RCOR1: variants seen among roughly 807,000 people sequenced by gnomAD.
The protein encoded by RCOR1 is REST corepressor 1, also known as REST corepressor.
A neutral mutation model predicts 64.0 loss-of-function variants in RCOR1; 12 were observed. That is an observed-to-expected ratio of 0.19 (90% CI 0.12 to 0.30). RCOR1 has a LOEUF of 0.30. Among genes scored for constraint, RCOR1 ranks in the 10% least tolerant of loss-of-function variants. RCOR1 has a pLI of 1.00. For synonymous variants in RCOR1, 279 were observed against 227.2 expected (o/e 1.23, Z -2.05); for missense variants, 502 against 621.2 (o/e 0.81, Z 2.04).
At chr14:102,633,772 C>T (rs1346211092) in intron 2 of RCOR1, among the ~76,000 whole-genome samples, 1 of 151,734 alleles carries the variant, frequency 6.6e-6, no homozygotes, top group African/African-American at 2.4e-5. Flanking sequence ...CTCCTGACCT[C>T]AGGTGATCCA....
chr14:102,693,355 A>G (rs541696819), intron 3 of RCOR1, among the ~76,000 whole-genome samples: 1 of 151,522 alleles, frequency 6.6e-6, no homozygotes, highest in African/African-American at 2.4e-5. Context: ...GGCACACAGT[A>G]GGCCTGAAAG....
intron 3 of RCOR1, among the ~76,000 whole-genome samples, chr14:102,689,974 A>G (rs1895498813): frequency 6.6e-6 from 1 of 151,910 alleles, no homozygotes; most frequent in Non-Finnish European, 1.5e-5. Context: ...CAAACTCCTG[A>G]CCTTGGGATT....
chr14:102,654,224 T>C (rs1216652240), intron 2 of RCOR1, among the ~76,000 whole-genome samples: 1 of 151,810 alleles, frequency 6.6e-6, no homozygotes, highest in African/African-American at 2.4e-5. Flanking sequence ...TGACCTCAGG[T>C]GATCTGCCCG....
intron 8 of RCOR1, 131 bp downstream of exon 8, chr14:102,714,748 G>A: frequency 1.6e-6 from 1 of 643,214 alleles, no homozygotes; most frequent in South Asian, 2.6e-5. Context: ...GAATTGGACA[G>A]ATCTTAAGTA....
rs148131582 is a variant in RCOR1 at position 102,615,740 on chromosome 14, C to T, written c.361+22415C>T. Among the ~76,000 whole-genome samples, 569 of 152,240 alleles carry T rather than the reference C, an allele frequency of 3.7e-3. 4 individuals are homozygous for T. The highest frequency in any genetic ancestry group is 8.9e-3 in the African/African-American group (370 of 41,542). The stretch of plus-strand genomic sequence containing the variant: ...CTGGTATTACAGGTGTGAGCCACCA[C>T]GCCTGGCCATTAATTCTTTTTTAAG... On this transcript the variant is annotated intron_variant, in intron 2 of 11. Transcript: ENST00000262241.
intron 2 of RCOR1, among the ~76,000 whole-genome samples, chr14:102,593,968 T>G (rs1388035332): frequency 6.6e-6 from 1 of 152,216 alleles, no homozygotes; most frequent in East Asian, 1.9e-4. Flanking sequence ...TTTCCTTTTT[T>G]TTGGAGGAAG....
intron 3 of RCOR1, among the ~76,000 whole-genome samples, chr14:102,692,575 T>C (rs1895556976): frequency 6.6e-6 from 1 of 152,114 alleles, no homozygotes; most frequent in Non-Finnish European, 1.5e-5. Flanking sequence ...TTATATGCAC[T>C]CTGATTTTAA....
At chr14:102,688,582 G>C (rs987369499) in intron 3 of RCOR1, among the ~76,000 whole-genome samples, 1 of 152,100 alleles carries the variant, frequency 6.6e-6, no homozygotes, top group Non-Finnish European at 1.5e-5. Flanking sequence ...GTTAAAAGGC[G>C]GCATGATGGA....
At position 102,679,322 on chromosome 14, in the gene RCOR1, G is replaced by A. The variant is rs562671235; in HGVS notation, c.362-2573G>A. Among the ~76,000 whole-genome samples the A allele has an allele frequency of 3.3e-5, 5 of 152,026 alleles. 1 individual carries two copies. The South Asian group carries it at 1.0e-3, about 32-fold the overall frequency. ...TCCAAATTTTTTTAAAAAAATGTTT[G>A]TTTTGTTTTTGCATGTGAATATTCA... On this transcript the variant is annotated intron_variant, in intron 2 of 11. Coordinates refer to ENST00000262241, the MANE Select transcript of RCOR1 (RefSeq NM_015156.4).
chr14:102,696,348 G>T (rs1895648436), intron 3 of RCOR1, among the ~76,000 whole-genome samples: 1 of 152,128 alleles, frequency 6.6e-6, no homozygotes, highest in South Asian at 2.1e-4. Context: ...CTGTCTTTAA[G>T]TGATATTATG....
At chr14:102,653,270 G>A (rs1458050713) in intron 2 of RCOR1, among the ~76,000 whole-genome samples, 3 of 152,142 alleles carry the variant, frequency 2.0e-5, no homozygotes, top group African/African-American at 7.2e-5. Flanking sequence ...CCAGGCTGGA[G>A]TGTAGTGGTG....
intron 3 of RCOR1, 41 bp downstream of exon 3, chr14:102,682,019 A>G: frequency 3.5e-6 from 5 of 1,430,916 alleles, no homozygotes; most frequent in Non-Finnish European, 4.9e-6. Flanking sequence ...TTCTTGTTTA[A>G]TGTAAGGTTT....
chr14:102,616,860 G>A (rs944454272), intron 2 of RCOR1, among the ~76,000 whole-genome samples: 2 of 152,150 alleles, frequency 1.3e-5, no homozygotes, highest in African/African-American at 2.4e-5. Flanking sequence ...CATTGGTGAT[G>A]AATTAAAAGT....
chr14:102,605,388 G>A (rs1259235515), intron 2 of RCOR1, among the ~76,000 whole-genome samples: 1 of 152,154 alleles, frequency 6.6e-6, no homozygotes, highest in Non-Finnish European at 1.5e-5. Flanking sequence ...TTTTGATGGT[G>A]TGACTGAAGG....
At chr14:102,717,814 A>G (rs1300909789) in intron 8 of RCOR1, among the ~76,000 whole-genome samples, 1 of 152,114 alleles carries the variant, frequency 6.6e-6, no homozygotes, top group Admixed American at 6.6e-5. Context: ...AAGAATTTTT[A>G]AAATTTGAAG....
chr14:102,711,370 G>A lies in RCOR1; in HGVS notation c.858+357G>A, dbSNP rs540961386. Among the ~76,000 whole-genome samples, 22 of 152,296 alleles carry A rather than the reference G, an allele frequency of 1.4e-4. No individual in the cohort carries two copies. The South Asian group carries it at 3.9e-3, about 27-fold the overall frequency. On this transcript the variant is annotated intron_variant, in intron 7 of 11. Coordinates refer to ENST00000262241, the MANE Select transcript of RCOR1 (RefSeq NM_015156.4). Reference sequence around the variant, plus strand: ...CCATTCACGCTATAGATGCCCCAGCGTCTGCCCATCCTAGGCACCCATGCC... The same window carrying A: ...CCATTCACGCTATAGATGCCCCAGCATCTGCCCATCCTAGGCACCCATGCC...
chr14:102,632,802 T>C lies in RCOR1; in HGVS notation c.361+39477T>C, dbSNP rs1595204003. 3.4e-5 allele frequency among the ~76,000 whole-genome samples: 4 copies of C among 118,774 alleles called. No homozygotes were observed. The South Asian group carries it at 1.3e-3, about 40-fold the overall frequency. The allele number at this position is 118,774 out of a possible 152,430, so 77.9% of individuals were successfully genotyped here. A position where few individuals can be genotyped will look rare whatever the true frequency, so the allele number is the denominator to read the frequency against. On this transcript the variant is annotated intron_variant, in intron 2 of 11. Transcript: ENST00000262241. ...CCCCTCTCCTCTCTCCTCTCTCGTC[T>C]CTCCTCTCCTCTTTCTTTTCTTTTT...
At chr14:102,677,135 GGGGCGGCTGGCC>G (rs1438919575) in intron 2 of RCOR1, among the ~76,000 whole-genome samples, 4 of 132,472 alleles carry the variant, frequency 3.0e-5, no homozygotes, top group Non-Finnish European at 6.5e-5. Flanking sequence ...CCTCCCGGAC[GGGGCGGCTGGCC>G]GGGCGGGGGG....
At chr14:102,713,978 T>G (rs1896012218) in intron 7 of RCOR1, among the ~76,000 whole-genome samples, 1 of 152,230 alleles carries the variant, frequency 6.6e-6, no homozygotes, top group Non-Finnish European at 1.5e-5. Context: ...TTTAAAATGA[T>G]AAGGTATATT....
Sources: allele counts gnomAD v4.1 joint callset (sites outside exome capture counted in the v4.1 genomes callset), GRCh38; gene constraint gnomAD v4.1.1; transcripts MANE v1.5; gene names NCBI Gene and HGNC (gene_info 2026-07-23, HGNC 2026-07-21).